ADAM28: variants seen among roughly 807,000 people sequenced by gnomAD.
ADAM28 encodes disintegrin and metalloproteinase domain-containing protein 28.
Under a neutral mutation model 101.2 loss-of-function variants are expected in ADAM28, and 105 were observed. That is an observed-to-expected ratio of 1.04 (90% confidence interval 0.89 to 1.22). The LOEUF is 1.22. ADAM28 is among the 50% of genes most tolerant of loss of function. The pLI is 0.00. For missense variants in ADAM28, 1,028 were observed against 945.4 expected (o/e 1.09, Z -1.15); for synonymous variants, 322 against 310.6 (o/e 1.04, Z -0.39).
At position 24,302,144 on chromosome 8, in the gene ADAM28, C is replaced by T. The variant is rs183594165; in HGVS notation, c.150+2067C>T. Among the ~76,000 whole-genome samples, 18 of 152,252 alleles carry T rather than the reference C, an allele frequency of 1.2e-4. No individual in the cohort carries two copies. In the East Asian group the frequency reaches 2.1e-3, roughly 18 times the overall value. On this transcript the variant is annotated intron_variant, in intron 2 of 22. Transcript: ENST00000265769. ...TGTGTTGTTCCCCTGCCTGTGTCCA[C>T]GTGTTCTCATTGTTCAGCTCTGAAT... is the stretch of plus-strand genomic sequence containing the variant.
chr8:24,299,750 G>C (rs768768519), intron 1 of ADAM28: 12 of 346,084 alleles, frequency 3.5e-5, no homozygotes, highest in Non-Finnish European at 6.3e-5. Context: ...ACTTTTAGTG[G>C]GGAAGGATCT....
intron 8 of ADAM28, 66 bp downstream of exon 8, chr8:24,321,355 T>C (rs1811853813): frequency 7.9e-7 from 1 of 1,263,460 alleles, no homozygotes; most frequent in African/African-American, 1.5e-5. Flanking sequence ...GGTTTTTCAA[T>C]GAACGCACAT....
chr8:24,351,198 A>G, intron 19 of ADAM28, 34 bp from the exon 20 acceptor site: 2 of 1,473,782 alleles, frequency 1.4e-6, no homozygotes, highest in Non-Finnish European at 1.8e-6. Flanking sequence ...AGGAGCTGCT[A>G]AGTCAATTGA....
At chr8:24,344,525 T>A (rs189095503) in intron 18 of ADAM28, among the ~76,000 whole-genome samples, 15 of 152,294 alleles carry the variant, frequency 9.8e-5, no homozygotes, top group Admixed American at 8.5e-4. Flanking sequence ...ATTGTTAGAC[T>A]TTTCAAGAGA....
chr8:24,349,150 T>C (rs1815764117), intron 18 of ADAM28, among the ~76,000 whole-genome samples: 1 of 152,238 alleles, frequency 6.6e-6, no homozygotes, highest in Admixed American at 6.5e-5. Context: ...ATTGGTTTGC[T>C]GATTTCTGTA....
chr8:24,328,499 G>A (rs956113230), intron 10 of ADAM28, among the ~76,000 whole-genome samples: 1 of 152,018 alleles, frequency 6.6e-6, no homozygotes, highest in Non-Finnish European at 1.5e-5. Flanking sequence ...GAAATAGCTT[G>A]CCATAAAATT....
At chr8:24,297,465 A>G (rs1585478551) in intron 1 of ADAM28, among the ~76,000 whole-genome samples, 1 of 152,188 alleles carries the variant, frequency 6.6e-6, no homozygotes, top group South Asian at 2.1e-4. Context: ...TTATACAAAA[A>G]ATCGGGAACG....
chr8:24,325,171 G>C (rs1281848697), intron 9 of ADAM28: 3 of 151,904 alleles, frequency 2.0e-5, no homozygotes, highest in African/African-American at 7.3e-5. Context: ...AGTAATAAGG[G>C]AGCCAGACAA....
intron 18 of ADAM28, among the ~76,000 whole-genome samples, 165 bp from the exon 19 acceptor site, chr8:24,349,699 T>C (rs747112871): frequency 1.3e-5 from 2 of 152,180 alleles, no homozygotes; most frequent in Non-Finnish European, 2.9e-5. Context: ...AATATTAATA[T>C]AATTATCCTG....
chr8:24,307,089 TA>T (rs1374095883), intron 2 of ADAM28, among the ~76,000 whole-genome samples: 1 of 152,210 alleles, frequency 6.6e-6, no homozygotes, highest in Non-Finnish European at 1.5e-5. Flanking sequence ...TTTTAGGAGT[TA>T]TCTTTGTAGT....
intron 15 of ADAM28, chr8:24,341,360 C>T (rs1490027196): frequency 1.8e-5 from 7 of 384,460 alleles, no homozygotes; most frequent in East Asian, 4.2e-5. Context: ...GCCAGCACTT[C>T]GGCAACTGGC....
intron 2 of ADAM28, among the ~76,000 whole-genome samples, chr8:24,307,652 T>A (rs1288132339): frequency 6.6e-6 from 1 of 152,212 alleles, no homozygotes; most frequent in East Asian, 1.9e-4. Flanking sequence ...ATATTACCCA[T>A]AAACCTCCAT....
intron 10 of ADAM28, among the ~76,000 whole-genome samples, chr8:24,328,106 G>A (rs533612305): frequency 1.8e-4 from 27 of 151,572 alleles, no homozygotes; most frequent in African/African-American, 6.0e-4. Context: ...TGCATTTCCA[G>A]CACTCTTTAC....
At chr8:24,301,278 A>C (rs568401132) in intron 2 of ADAM28, among the ~76,000 whole-genome samples, 1 of 152,302 alleles carries the variant, frequency 6.6e-6, no homozygotes, top group East Asian at 1.9e-4. Context: ...ATGGAACCCA[A>C]AAGCATAGGA....
chr8:24,356,550 T>C lies in ADAM28; in HGVS notation c.*2146T>C, dbSNP rs1388120673. On this transcript the variant is annotated 3_prime_UTR_variant, in exon 23 of 23. Transcript: ENST00000265769. Reference sequence around the variant, plus strand: ...TGACAGGAAAACCATTATTTTATCATAGAACTGCGAACCCAAGTCCTACAA... The same window carrying C: ...TGACAGGAAAACCATTATTTTATCACAGAACTGCGAACCCAAGTCCTACAA... The C allele has an allele frequency of 1.3e-5, 2 of 152,170 alleles. No individual in the cohort carries two copies. Among genetic ancestry groups the C allele is most frequent in the African/African-American group, 4.8e-5 (2 of 41,458 alleles). The allele number at this position is 152,170 out of a possible 1,614,324, so 9.4% of individuals were successfully genotyped here.
chr8:24,344,046 C>A (rs1197426014), intron 18 of ADAM28, among the ~76,000 whole-genome samples: 1 of 152,108 alleles, frequency 6.6e-6, no homozygotes, highest in East Asian at 1.9e-4. Flanking sequence ...ATATGTGATC[C>A]TTAGTTCAAT....
Position 24,304,830 on chromosome 8 carries a change from A to G in ADAM28, c.150+4753A>G, listed in dbSNP as rs551244913. Among the ~76,000 whole-genome samples the G allele has an allele frequency of 7.9e-5, 12 of 151,680 alleles. No individual in the cohort carries two copies. The South Asian group carries it at 2.5e-3, about 32-fold the overall frequency. ...CTAAGGAGGCTGAGGCAGGAGAATC[A>G]TTGGAACCTGGGAGGCAGAGGTTGC... On this transcript the variant is annotated intron_variant, in intron 2 of 22. Transcript: ENST00000265769.
chr8:24,313,987 C>A (rs548706545), intron 6 of ADAM28, among the ~76,000 whole-genome samples: 20 of 152,222 alleles, frequency 1.3e-4, no homozygotes, highest in Admixed American at 3.9e-4. Flanking sequence ...CAACTCCCGA[C>A]CTCGGGTGAT....
In ADAM28 at chr8:24,340,180, T is replaced by A. The variant is rs546478110; in HGVS notation, c.1670+612T>A. Among the ~76,000 whole-genome samples the A allele has an allele frequency of 3.9e-5, 6 of 152,296 alleles. No individual in the cohort carries two copies. In the East Asian group the frequency reaches 1.2e-3, roughly 29 times the overall value. ...TGCAATTTTGAGATGAGTTTTAAAATCCAATTATAGATTAAACTCTTTGTA... is the reference window on the plus strand; with the variant it reads ...TGCAATTTTGAGATGAGTTTTAAAAACCAATTATAGATTAAACTCTTTGTA... On this transcript the variant is annotated intron_variant, in intron 15 of 22. Coordinates refer to ENST00000265769, the MANE Select transcript of ADAM28 (RefSeq NM_014265.6).
Sources: gnomAD v4.1 joint callset for allele counts (sites outside exome capture counted in the v4.1 genomes callset) on GRCh38, gnomAD v4.1.1 for gene constraint, MANE v1.5 for transcripts, NCBI Gene and HGNC (gene_info 2026-07-23, HGNC 2026-07-21) for gene names.